The following ARHGEF38 variants were observed in gnomAD, a reference collection of about 807,000 sequenced individuals.
ARHGEF38 encodes Rho guanine nucleotide exchange factor (GEF) 38.
In ARHGEF38, 79 loss-of-function variants were observed where a neutral mutation model predicts 79.9. The observed-to-expected ratio is 0.99, with a 90% confidence interval of 0.82 to 1.19. The LOEUF is 1.19. ARHGEF38 is among the 50% of genes most tolerant of loss of function. The pLI, the probability that ARHGEF38 is intolerant of heterozygous loss-of-function variation, is 0.00. For missense variants in ARHGEF38, 962 were observed against 907.2 expected (o/e 1.06, Z -0.78); for synonymous variants, 366 against 328.3 (o/e 1.11, Z -1.24).
chr4:105,625,010 CT>C, intron 3 of ARHGEF38, among the ~76,000 whole-genome samples: 1 of 152,318 alleles, frequency 6.6e-6, no homozygotes, highest in East Asian at 1.9e-4. Context: ...TCTAAATACT[CT>C]GCCTTGACCA....
intron 9 of ARHGEF38, among the ~76,000 whole-genome samples, chr4:105,658,493 T>C (rs577177627): frequency 1.1e-4 from 16 of 152,282 alleles, no homozygotes; most frequent in African/African-American, 2.9e-4. Context: ...GGTTACTATC[T>C]GTATAGGGGA....
At chr4:105,653,643 G>A (rs1036403423) in intron 7 of ARHGEF38, among the ~76,000 whole-genome samples, 4 of 152,170 alleles carry the variant, frequency 2.6e-5, no homozygotes, top group Non-Finnish European at 5.9e-5. Flanking sequence ...TTCTAAATAA[G>A]CACTGTTAAA....
intron 13 of ARHGEF38, among the ~76,000 whole-genome samples, chr4:105,674,183 G>A (rs1224860440): frequency 1.3e-5 from 2 of 152,074 alleles, no homozygotes; most frequent in South Asian, 4.1e-4. Flanking sequence ...TATAAGCAGT[G>A]GGTAATAAAT....
At chr4:105,676,341 A>G (rs1018749059) in intron 13 of ARHGEF38, among the ~76,000 whole-genome samples, 2 of 152,196 alleles carry the variant, frequency 1.3e-5, no homozygotes, top group African/African-American at 4.8e-5. Context: ...TTATTTCAAA[A>G]TTCAGCTCAC....
chr4:105,681,011 T>C (rs1441712450), downstream of ARHGEF38: 1 of 152,188 alleles, frequency 6.6e-6, no homozygotes, highest in Admixed American at 6.5e-5. Flanking sequence ...TTTTGAACTA[T>C]AAACAATTAT....
chr4:105,622,801 G>A (rs890018119), intron 3 of ARHGEF38, among the ~76,000 whole-genome samples: 1 of 152,034 alleles, frequency 6.6e-6, no homozygotes, highest in Non-Finnish European at 1.5e-5. Flanking sequence ...TGTCATTTTG[G>A]GGGAATATAA....
At chr4:105,648,507 G>A in intron 6 of ARHGEF38, 42 bp from the exon 7 acceptor site, 2 of 1,442,960 alleles carry the variant, frequency 1.4e-6, no homozygotes, top group Non-Finnish European at 1.8e-6. Flanking sequence ...CACTTTCTAT[G>A]CTGCATGTGT....
At chr4:105,660,209 C>T (rs1730506433) in intron 10 of ARHGEF38, among the ~76,000 whole-genome samples, 1 of 152,178 alleles carries the variant, frequency 6.6e-6, no homozygotes, top group African/African-American at 2.4e-5. Context: ...CAGTCTCACA[C>T]TCATACCTGT....
chr4:105,648,289 G>C (rs920668609), intron 6 of ARHGEF38, among the ~76,000 whole-genome samples: 3 of 151,950 alleles, frequency 2.0e-5, no homozygotes, highest in Admixed American at 6.6e-5. Context: ...TCTAGTATCA[G>C]GGATTTCTTT....
chr4:105,576,987 C>T (rs1726534482), intron 1 of ARHGEF38, among the ~76,000 whole-genome samples: 1 of 151,920 alleles, frequency 6.6e-6, no homozygotes, highest in African/African-American at 2.4e-5. Context: ...GGTGTATTAC[C>T]TTTTTGATTT....
intron 4 of ARHGEF38, 55 bp downstream of exon 4, chr4:105,631,100 C>T: frequency 6.4e-7 from 1 of 1,552,504 alleles, no homozygotes; most frequent in Non-Finnish European, 8.7e-7. Flanking sequence ...TAGCAGGGAA[C>T]ATTTTAAATG....
At chr4:105,675,165 CTG>C (rs1330385730) in intron 13 of ARHGEF38, among the ~76,000 whole-genome samples, 2 of 152,214 alleles carry the variant, frequency 1.3e-5, no homozygotes, top group Non-Finnish European at 2.9e-5. Flanking sequence ...AGAATACACT[CTG>C]TACATACTTG....
intron 3 of ARHGEF38, 25 bp from the exon 4 acceptor site, chr4:105,630,873 T>G (rs1487788303): frequency 1.9e-6 from 3 of 1,580,966 alleles, no homozygotes; most frequent in Non-Finnish European, 1.7e-6. Flanking sequence ...ATGATGTCAT[T>G]TTGCCTTTGT....
At chr4:105,632,376 C>A (rs2110519690) in intron 4 of ARHGEF38, among the ~76,000 whole-genome samples, 2 of 152,128 alleles carry the variant, frequency 1.3e-5, no homozygotes, top group African/African-American at 4.8e-5. Flanking sequence ...CTAAGGAACT[C>A]AATATGATCA....
intron 6 of ARHGEF38, 120 bp from the exon 7 acceptor site, chr4:105,648,429 G>A (rs1190107960): frequency 2.1e-6 from 2 of 935,330 alleles, no homozygotes; most frequent in Non-Finnish European, 1.5e-6. Context: ...TGCAGCAGAG[G>A]CTCAAAAATC....
chr4:105,576,543 ATTTG>A (rs1726511326), intron 1 of ARHGEF38, among the ~76,000 whole-genome samples: 1 of 151,814 alleles, frequency 6.6e-6, no homozygotes, highest in African/African-American at 2.4e-5. Flanking sequence ...ACTTTACTGA[ATTTG>A]TTTATCAAAT....
intron 1 of ARHGEF38, among the ~76,000 whole-genome samples, chr4:105,560,463 G>T (rs1725461621): frequency 6.6e-6 from 1 of 152,098 alleles, no homozygotes; most frequent in Non-Finnish European, 1.5e-5. Context: ...GAATACATTT[G>T]CAAATGAAAA....
At chr4:105,602,523 T>G (rs1223139116) in intron 2 of ARHGEF38, among the ~76,000 whole-genome samples, 3 of 152,100 alleles carry the variant, frequency 2.0e-5, no homozygotes, top group Non-Finnish European at 4.4e-5. Context: ...TTTTACAAAG[T>G]GACTAAGAAA....
At chr4:105,626,857 A>G (rs1578324575) in intron 3 of ARHGEF38, among the ~76,000 whole-genome samples, 2 of 151,400 alleles carry the variant, frequency 1.3e-5, no homozygotes, top group South Asian at 4.2e-4. Flanking sequence ...CCCTTCTGGA[A>G]CTTCCTCACA....
Sources: gnomAD v4.1 joint callset for allele counts (sites outside exome capture counted in the v4.1 genomes callset) on GRCh38, gnomAD v4.1.1 for gene constraint, MANE v1.5 for transcripts, NCBI Gene and HGNC (gene_info 2026-07-23, HGNC 2026-07-21) for gene names.